The following OGDHL variants were observed in gnomAD, a reference collection of about 807,000 sequenced individuals.
OGDHL encodes the protein oxoglutarate dehydrogenase L.
Under a neutral mutation model 109.6 loss-of-function variants are expected in OGDHL, and 79 were observed. The observed-to-expected ratio is 0.72, with a 90% CI of 0.60 to 0.87. OGDHL has a LOEUF of 0.87. Among genes scored for constraint, OGDHL ranks in the 40% least tolerant of loss-of-function variants. The probability of loss-of-function intolerance (pLI) is 0.00; values close to 1 mark genes in which losing one functional copy is unlikely to be tolerated. For missense variants in OGDHL, 1,275 were observed against 1,362.2 expected (o/e 0.94, Z 1.01); for synonymous variants, 528 against 537.2 (o/e 0.98, Z 0.24).
rs779823838 is a variant in OGDHL, at chr10:49,752,123, C to A, written c.594+10G>T. 2 of 1,613,286 alleles carry A rather than the reference C, an allele frequency of 1.2e-6. No homozygotes were observed. Among genetic ancestry groups the A allele is most frequent in the Non-Finnish European group, 1.7e-6 (2 of 1,179,266 alleles). ...CTTCAGCTGCACCCCACACACCCGC[C>A]TGTGCTCACCTCCAGGCGCCGAATG... On this transcript the variant is annotated intron_variant, in intron 5 of 22. Transcript: ENST00000374103.
intron 12 of OGDHL, 138 bp downstream of exon 12, chr10:49,745,206 G>A (rs2133022793): frequency 1.8e-6 from 2 of 1,091,462 alleles, no homozygotes; most frequent in South Asian, 1.6e-5. Context: ...GGTAACTGGG[G>A]CCTCTTGGGG....
At chr10:49,735,453 G>A in intron 22 of OGDHL, 102 bp from the exon 23 acceptor site, 1 of 1,408,860 alleles carries the variant, frequency 7.1e-7, no homozygotes, top group Non-Finnish European at 9.6e-7. Flanking sequence ...GAGAACCGCT[G>A]ACCTCGAAGC....
At chr10:49,760,126 G>C (rs760170451) in intron 1 of OGDHL, among the ~76,000 whole-genome samples, 2 of 152,260 alleles carry the variant, frequency 1.3e-5, no homozygotes, top group Non-Finnish European at 1.5e-5. Context: ...AGGGAGGACA[G>C]GCTCCTGGGG....
At position 49,737,794 on chromosome 10, in the gene OGDHL, A is replaced by G; in HGVS notation, c.2582T>C (p.Met861Thr). 1 of 1,614,156 alleles carries G rather than the reference A, an allele frequency of 6.2e-7. No individual in the cohort carries two copies. Among genetic ancestry groups the G allele is most frequent in the Non-Finnish European group, 8.5e-7 (1 of 1,180,024 alleles). ...CCAGGCCAGGCACGTACCGGATACC[A>G]TTTGGTCAAAGCTGGACTTGGCCTC... ...HPEAKSSFDQ[M>T]VSGTSFQRVI... The change falls in exon 20 of 23, where the codon ATG becomes ACG. Residue 861 changes from methionine (M) to threonine (T), a missense_variant. By Grantham distance (81) the Met-to-Thr change is moderately conservative. Coordinates refer to ENST00000374103, the MANE Select transcript of OGDHL (RefSeq NM_018245.3).
At chr10:49,751,415 C>T (rs1038028948) in intron 6 of OGDHL, among the ~76,000 whole-genome samples, 3 of 149,010 alleles carry the variant, frequency 2.0e-5, no homozygotes, top group Admixed American at 1.4e-4. Flanking sequence ...CACTTTGCAT[C>T]CAGCAGCTGA....
chr10:49,759,990 C>T (rs777236583), intron 1 of OGDHL, among the ~76,000 whole-genome samples: 37 of 152,244 alleles, frequency 2.4e-4, no homozygotes, highest in Non-Finnish European at 3.1e-4. Context: ...GCCATCAGCT[C>T]AACCATGTCA....
intron 8 of OGDHL, among the ~76,000 whole-genome samples, 185 bp downstream of exon 8, chr10:49,749,541 G>A (rs1015282632): frequency 6.6e-6 from 1 of 152,132 alleles, no homozygotes; most frequent in Non-Finnish European, 1.5e-5. Flanking sequence ...ACCAGAGACT[G>A]CAGCCCTTGC....
At chr10:49,761,100 G>C (rs1483355129) in intron 1 of OGDHL, among the ~76,000 whole-genome samples, 2 of 152,114 alleles carry the variant, frequency 1.3e-5, no homozygotes, top group African/African-American at 4.8e-5. Context: ...AGTATCTAGA[G>C]CCAGAGCCCA....
intron 1 of OGDHL, among the ~76,000 whole-genome samples, chr10:49,759,115 G>A (rs1843106292): frequency 6.6e-6 from 1 of 152,026 alleles, no homozygotes. Flanking sequence ...TGTCGGGGGT[G>A]ATAGAGGCAC....
At chr10:49,738,490 CAGA>C in intron 17 of OGDHL, 1 of 575,804 alleles carries the variant, frequency 1.7e-6, no homozygotes, top group Non-Finnish European at 3.1e-6. Flanking sequence ...CTTGCAGGGA[CAGA>C]AGAAAAAGCA....
rs368019914 is a variant in OGDHL at position 49,744,636 on chromosome 10, C to T, written c.1732+14G>A. On this transcript the variant is annotated intron_variant, in intron 13 of 22. Coordinates refer to ENST00000374103, the MANE Select transcript of OGDHL (RefSeq NM_018245.3). ...CCCAGGGGAGTCCCTCTGAGCCACA[C>T]ACTGCTCGCTCACCAGGCCAGGGGG... 6.2e-7 allele frequency: 1 copy of T among 1,606,660 alleles called. No individual in the cohort carries two copies. The highest frequency in any genetic ancestry group is 1.3e-5 in the African/African-American group (1 of 74,826).
chr10:49,754,191 T>G (rs1842778982), intron 3 of OGDHL, among the ~76,000 whole-genome samples: 1 of 152,122 alleles, frequency 6.6e-6, no homozygotes, highest in African/African-American at 2.4e-5. Flanking sequence ...TAGGCAGAAA[T>G]GTACAAGCTG....
intron 14 of OGDHL, chr10:49,743,604 G>A (rs989882619): frequency 1.7e-5 from 3 of 174,130 alleles, no homozygotes; most frequent in Non-Finnish European, 3.7e-5. Flanking sequence ...TCCAGGCCCC[G>A]GCAAGCCACC....
At chr10:49,762,063 G>C (rs543396800) in intron 1 of OGDHL, among the ~76,000 whole-genome samples, 176 bp downstream of exon 1, 1 of 152,268 alleles carries the variant, frequency 6.6e-6, no homozygotes, top group Non-Finnish European at 1.5e-5. Flanking sequence ...GGCCAGCCAA[G>C]GTCAGAGCCA....
intron 15 of OGDHL, among the ~76,000 whole-genome samples, chr10:49,742,467 C>T (rs1486397974): frequency 8.4e-5 from 2 of 23,740 alleles, no homozygotes; most frequent in Admixed American, 3.4e-4. Flanking sequence ...GCACCACACA[C>T]ACCCCCTATA....
intron 1 of OGDHL, among the ~76,000 whole-genome samples, chr10:49,760,833 G>A (rs1843227416): frequency 6.6e-6 from 1 of 152,234 alleles, no homozygotes; most frequent in Non-Finnish European, 1.5e-5. Flanking sequence ...TTCTCTTAGC[G>A]ATGCAGTTCC....
At chr10:49,761,772 A>G (rs1012296743) in intron 1 of OGDHL, among the ~76,000 whole-genome samples, 11 of 152,100 alleles carry the variant, frequency 7.2e-5, no homozygotes, top group African/African-American at 2.2e-4. Flanking sequence ...CTCAGGCCTC[A>G]GTTTTCTCAT....
chr10:49,749,066 G>A (rs1240291957), intron 8 of OGDHL, among the ~76,000 whole-genome samples: 4 of 152,194 alleles, frequency 2.6e-5, no homozygotes, highest in South Asian at 4.2e-4. Flanking sequence ...AAAATTAGCC[G>A]GGCGTGGTGG....
chr10:49,745,990 G>A lies in OGDHL; in HGVS notation c.1297-13C>T, dbSNP rs770110487. On this transcript the variant is annotated splice_polypyrimidine_tract_variant and intron_variant, in intron 10 of 22. Coordinates refer to ENST00000374103, the MANE Select transcript of OGDHL (RefSeq NM_018245.3). ...TGGTGAATCCAATCTGCAGAGGCAG[G>A]AGAAACCTGCTGCGCCTCTCAATTT... is the stretch of plus-strand genomic sequence containing the variant. The A allele has an allele frequency of 3.1e-6, 5 of 1,612,672 alleles. No homozygotes were observed. Among genetic ancestry groups the A allele is most frequent in the Non-Finnish European group, 4.2e-6 (5 of 1,178,886 alleles).
Sources: allele counts gnomAD v4.1 joint callset (sites outside exome capture counted in the v4.1 genomes callset), GRCh38; gene constraint gnomAD v4.1.1; transcripts MANE v1.5; gene names NCBI Gene and HGNC (gene_info 2026-07-23, HGNC 2026-07-21).